Variants in PRDM8 observed in about 807,000 individuals in gnomAD.
PRDM8 encodes PR domain zinc finger protein 8.
In PRDM8, 13 loss-of-function variants were observed where a neutral mutation model predicts 46.5. The observed-to-expected ratio is 0.28, with a 90% confidence interval of 0.18 to 0.44. PRDM8 has a LOEUF of 0.44. PRDM8 is among the 20% of genes least tolerant of loss of function. The pLI is 1.00. For synonymous variants in PRDM8, 473 were observed against 438.4 expected (o/e 1.08, Z -0.98); for missense variants, 998 against 955.0 (o/e 1.04, Z -0.59).
intron 2 of PRDM8, among the ~76,000 whole-genome samples, chr4:80,192,406 C>T (rs1737621919): frequency 6.6e-6 from 1 of 152,198 alleles, no homozygotes; most frequent in Admixed American, 6.5e-5. Context: ...TAAAGCCTCT[C>T]AATGTTGTCA....
At chr4:80,196,455 T>C (rs1307835177), upstream of PRDM8, 1 of 985,212 alleles carries the variant, frequency 1.0e-6, no homozygotes, top group Non-Finnish European at 1.2e-6. Flanking sequence ...AGACCTCAAG[T>C]CATTAGCATC....
chr4:80,197,847 C>G, intron 1 of PRDM8, 84 bp downstream of exon 1: 1 of 929,628 alleles, frequency 1.1e-6, no homozygotes, highest in East Asian at 1.2e-4. Context: ...CTTCCGTCTC[C>G]TTATTATCCA....
At chr4:80,190,895 A>G (rs1001480890) in intron 1 of PRDM8, among the ~76,000 whole-genome samples, 2 of 152,190 alleles carry the variant, frequency 1.3e-5, no homozygotes, top group African/African-American at 4.8e-5. Context: ...GGGGAACCCC[A>G]CTTATCTGGA....
chr4:80,196,727 C>T, upstream of PRDM8: 1 of 890,334 alleles, frequency 1.1e-6, no homozygotes, highest in Non-Finnish European at 1.3e-6. Flanking sequence ...GGAAAAACCC[C>T]ACGAAAACAA....
At position 80,203,542 on chromosome 4, in the gene PRDM8, G is replaced by T. The variant is rs28529405; in HGVS notation, c.*10G>T. 20,627 of 1,599,076 alleles carry T rather than the reference G, an allele frequency of 0.013. 1,470 individuals are homozygous for T. The African/African-American group carries it at 0.19, about 15-fold the overall frequency. ...GACCTCGCATAATTGACTCGGAAAG[G>T]ACCCCAGCTTTCCACGCGCGCGCAA... On this transcript the variant is annotated 3_prime_UTR_variant, in exon 4 of 4. Coordinates refer to ENST00000415738, the MANE Select transcript of PRDM8 (RefSeq NM_001099403.2).
At position 80,202,948 on chromosome 4, in the gene PRDM8, G is replaced by A. The variant is rs1202413667; in HGVS notation, c.1486G>A (p.Glu496Lys). The change falls in exon 4 of 4, where the codon GAG becomes AAG. Residue 496 changes from glutamate (E) to lysine (K), a missense_variant. By Grantham distance (56) the Glu-to-Lys change is moderately conservative (BLOSUM62 1). Coordinates refer to ENST00000415738, the MANE Select transcript of PRDM8 (RefSeq NM_001099403.2). ...CGGGGGCCAGGGCGCCGCGTCGGAC[G>A]AGCGCAAAAGCGCCTTCTCGCAGCC... ...AGGGQGAASDERKSAFSQPAR... is the reference protein window; with the variant it reads ...AGGGQGAASDKRKSAFSQPAR... 5 of 1,472,022 alleles carry A rather than the reference G, an allele frequency of 3.4e-6. No individual in the cohort carries two copies. In the South Asian group the frequency reaches 3.9e-5, roughly 11 times the overall value. The allele number at this position is 1,472,022 out of a possible 1,614,324, so 91.2% of individuals were successfully genotyped here.
At chr4:80,199,958 C>A in intron 1 of PRDM8, 121 bp from the exon 2 acceptor site, 2 of 694,686 alleles carry the variant, frequency 2.9e-6, no homozygotes, top group Non-Finnish European at 4.9e-6. Context: ...GAAATAAGAG[C>A]TATGCAAAAA....
chr4:80,201,621 C>T, intron 3 of PRDM8, 100 bp downstream of exon 3: 3 of 1,194,916 alleles, frequency 2.5e-6, no homozygotes, highest in Non-Finnish European at 3.6e-6. Flanking sequence ...CCTTTCTTCC[C>T]TTCGGGTGTC....
chr4:80,189,187 G>T (rs1302940743), intron 1 of PRDM8, among the ~76,000 whole-genome samples: 1 of 152,198 alleles, frequency 6.6e-6, no homozygotes, highest in East Asian at 1.9e-4. Context: ...TGGCCGCGGC[G>T]CTGGAGTTTA....
chr4:80,203,738 A>C lies in PRDM8; in HGVS notation c.*206A>C, dbSNP rs10084970. ...ATTCAAATATTTACCCGGGACACAC[A>C]CCCCCCCCCACACACACACACAGAC... On this transcript the variant is annotated 3_prime_UTR_variant, in exon 4 of 4. Coordinates refer to ENST00000415738, the MANE Select transcript of PRDM8 (RefSeq NM_001099403.2). The C allele has an allele frequency of 0.022, 8,227 of 371,804 alleles. 595 individuals are homozygous for C. The highest frequency in any genetic ancestry group is 0.18 in the African/African-American group (7,040 of 38,106). The allele number at this position is 371,804 out of a possible 1,614,324, so 23.0% of individuals were successfully genotyped here. A position where few individuals can be genotyped will look rare whatever the true frequency, so the allele number is the denominator to read the frequency against.
rs371793147 is a variant in PRDM8, at chr4:80,200,030, T to C, written c.-2-49T>C. Reference sequence around the variant, plus strand: ...ACAGTTCTGCTTGGGTTAATGGCGTTAAAAGCAGTAACATAACTCACTTTC... The same window carrying C: ...ACAGTTCTGCTTGGGTTAATGGCGTCAAAAGCAGTAACATAACTCACTTTC... On this transcript the variant is annotated intron_variant, in intron 1 of 3. Coordinates refer to ENST00000415738, the MANE Select transcript of PRDM8 (RefSeq NM_001099403.2). The C allele has an allele frequency of 1.7e-5, 26 of 1,502,680 alleles. No individual in the cohort carries two copies. The African/African-American group carries it at 3.2e-4, about 18-fold the overall frequency. 93.1% of individuals were successfully genotyped at this position (1,502,680 alleles called of 1,614,324 possible). A position where few individuals can be genotyped will look rare whatever the true frequency, so the allele number is the denominator to read the frequency against.
At chr4:80,195,322 C>T (rs1390285500), upstream of PRDM8, among the ~76,000 whole-genome samples, 4 of 152,168 alleles carry the variant, frequency 2.6e-5, no homozygotes, top group South Asian at 4.1e-4. Context: ...TGTTTACACC[C>T]GTGCCTCTTC....
At chr4:80,198,082 C>A (rs1274781227) in intron 1 of PRDM8, among the ~76,000 whole-genome samples, 1 of 152,212 alleles carries the variant, frequency 6.6e-6, no homozygotes, top group Non-Finnish European at 1.5e-5. Context: ...CGGATAAGAA[C>A]CTGGGCCTAG....
Position 80,202,002 on chromosome 4 carries a change from G to T in PRDM8, c.540G>T (p.Lys180Asn), listed in dbSNP as rs1560476253. Residue 180 changes from lysine (K) to asparagine (N), a missense_variant, in exon 4 of 4, where the codon AAG becomes AAT. Lys to Asn is a moderately conservative substitution (Grantham distance 94). Transcript: ENST00000415738. Reference protein sequence around the residue: ...YVAHLRFRCPKRLHSADISPQ... With the variant: ...YVAHLRFRCPNRLHSADISPQ... ...CGCATCTGCGTTTCCGCTGCCCCAA[G>T]AGACTTCACAGCGCTGATATAAGTC... 6.2e-7 allele frequency: 1 copy of T among 1,614,156 alleles called. No homozygotes were observed.
chr4:80,200,898 A>C lies in PRDM8; in HGVS notation c.220-392A>C, dbSNP rs1738391655. Among the ~76,000 whole-genome samples, 5 of 152,228 alleles carry C rather than the reference A, an allele frequency of 3.3e-5. No individual in the cohort carries two copies. In the South Asian group the frequency reaches 1.0e-3, roughly 32 times the overall value. The stretch of plus-strand genomic sequence containing the variant: ...TTAGGAACATGATTGCCATAGCATA[A>C]TTTCTAAGATCTAAGCTTGCTTTAT... On this transcript the variant is annotated intron_variant, in intron 2 of 3. Coordinates refer to ENST00000415738, the MANE Select transcript of PRDM8 (RefSeq NM_001099403.2).
At chr4:80,196,320 T>C (rs924691345), upstream of PRDM8, 24 of 985,308 alleles carry the variant, frequency 2.4e-5, no homozygotes, top group African/African-American at 3.5e-5. Flanking sequence ...TGAGAAACTG[T>C]CTATACCACT....
chr4:80,203,583 C>T lies in PRDM8; in HGVS notation c.*51C>T. 6.5e-7 allele frequency: 1 copy of T among 1,533,716 alleles called. No individual in the cohort carries two copies. The highest frequency in any genetic ancestry group is 2.4e-5 in the East Asian group (1 of 41,900). ...GCGCGCGCAAGCACAGTTAAGCCAC[C>T]TGCAGGAATAAACACGCGAGAACAT... On this transcript the variant is annotated 3_prime_UTR_variant, in exon 4 of 4. Transcript: ENST00000415738.
chr4:80,189,074 CA>C (rs1737343879), intron 1 of PRDM8, among the ~76,000 whole-genome samples: 1 of 152,294 alleles, frequency 6.6e-6, no homozygotes, highest in African/African-American at 2.4e-5. Context: ...CAGCCCTTCA[CA>C]GGAGTGGGAA....
At chr4:80,196,441 T>C (rs930298450), upstream of PRDM8, 12 of 985,426 alleles carry the variant, frequency 1.2e-5, no homozygotes, top group South Asian at 9.4e-5. Context: ...TTGCAGGCTG[T>C]TAAAGACCTC....
Sources: allele counts gnomAD v4.1 joint callset (sites outside exome capture counted in the v4.1 genomes callset), GRCh38; gene constraint gnomAD v4.1.1; transcripts MANE v1.5; gene names NCBI Gene and HGNC (gene_info 2026-07-23, HGNC 2026-07-21).